MATCAP2: variants seen among roughly 807,000 people sequenced by gnomAD.
MATCAP2 encodes the protein putative tyrosine carboxypeptidase MATCAP2.
chr7:36,343,284 A>G, the MATCAP2 span, among the ~76,000 whole-genome samples: 49 of 140,134 alleles, frequency 3.5e-4, no homozygotes, highest in African/African-American at 1.3e-3. Context: ...TGAGGCCAGG[A>G]GTTTGAGTTC....
the MATCAP2 span, chr7:36,367,005 G>A: frequency 7.6e-7 from 1 of 1,310,860 alleles, no homozygotes; most frequent in Non-Finnish European, 9.6e-7. Context: ...GCAGGGGCGG[G>A]CGGCCTCTAG....
chr7:36,390,348 C>A, the MATCAP2 span: 1 of 438,982 alleles, frequency 2.3e-6, no homozygotes. Context: ...AGTCCTGGCG[C>A]AGCAAGAGTG....
chr7:36,382,324 A>AG, the MATCAP2 span, among the ~76,000 whole-genome samples: 8 of 140,286 alleles, frequency 5.7e-5, no homozygotes, highest in African/African-American at 2.1e-4. Flanking sequence ...AAAAAAAAAA[A>AG]GAAGATTTGC....
the MATCAP2 span, chr7:36,331,195 C>A: frequency 3.4e-6 from 2 of 580,786 alleles, no homozygotes; most frequent in South Asian, 5.4e-5. Flanking sequence ...TCTAGTTTGC[C>A]AACATTTATT....
the MATCAP2 span, chr7:36,389,768 G>A: frequency 2.0e-6 from 1 of 488,118 alleles, no homozygotes; most frequent in Non-Finnish European, 3.4e-6. Context: ...CCACGTGACC[G>A]AGCGCAGGGG....
chr7:36,336,421 G>A, the MATCAP2 span: 1 of 796,414 alleles, frequency 1.3e-6, no homozygotes, highest in Non-Finnish European at 1.9e-6. Context: ...AACTGCAACT[G>A]AAGTGCCAAA....
the MATCAP2 span, among the ~76,000 whole-genome samples, chr7:36,377,372 CT>C: frequency 6.6e-6 from 1 of 152,142 alleles, no homozygotes; most frequent in Non-Finnish European, 1.5e-5. Context: ...CTTAGTTTGG[CT>C]GGATATGAAA....
At chr7:36,390,201 T>C in the MATCAP2 span, 1 of 1,240,682 alleles carries the variant, frequency 8.1e-7, no homozygotes, top group Non-Finnish European at 1.1e-6. Flanking sequence ...GGCTGCGGCC[T>C]GCTGTGGTTG....
chr7:36,363,380 T>C, the MATCAP2 span, among the ~76,000 whole-genome samples: 1 of 152,248 alleles, frequency 6.6e-6, no homozygotes, highest in South Asian at 2.1e-4. Flanking sequence ...TAATCTTATA[T>C]GGTTTCTCAC....
chr7:36,366,343 A>T, the MATCAP2 span, among the ~76,000 whole-genome samples: 1,665 of 152,252 alleles, frequency 0.011, 19 homozygotes, highest in Non-Finnish European at 0.016. Flanking sequence ...AACTGAATTT[A>T]AAAAAATGCA....
chr7:36,382,058 C>T, the MATCAP2 span, among the ~76,000 whole-genome samples: 1 of 151,662 alleles, frequency 6.6e-6, no homozygotes, highest in Admixed American at 6.6e-5. Flanking sequence ...TTTGGAAGGC[C>T]GAGGTGGGCA....
At chr7:36,380,687 T>A in the MATCAP2 span, among the ~76,000 whole-genome samples, 1 of 152,224 alleles carries the variant, frequency 6.6e-6, no homozygotes, top group Non-Finnish European at 1.5e-5. Context: ...CCTCATCTAC[T>A]ATTTTAAGAA....
chr7:36,334,523 G>A, the MATCAP2 span, among the ~76,000 whole-genome samples: 14 of 105,140 alleles, frequency 1.3e-4, 1 homozygote, highest in Admixed American at 4.6e-4. Context: ...GCGACAGACC[G>A]AGATCCCATC....
the MATCAP2 span, among the ~76,000 whole-genome samples, chr7:36,335,784 G>A: frequency 8.6e-4 from 130 of 150,942 alleles, no homozygotes; most frequent in Admixed American, 3.0e-3. Context: ...AAAGAACTAC[G>A]ACTAGGCTGG....
chr7:36,332,521 C>G, the MATCAP2 span, among the ~76,000 whole-genome samples: 2 of 152,208 alleles, frequency 1.3e-5, no homozygotes, highest in African/African-American at 2.4e-5. Flanking sequence ...CTCTAAGGCA[C>G]TACGCTGTCA....
the MATCAP2 span, among the ~76,000 whole-genome samples, chr7:36,382,299 CAAAA>C: frequency 1.3e-4 from 8 of 62,934 alleles, no homozygotes; most frequent in East Asian, 3.5e-4. Flanking sequence ...GCGTCTGTCT[CAAAA>C]AAAAAAAAAA....
chr7:36,357,908 G>A, the MATCAP2 span, among the ~76,000 whole-genome samples: 1 of 152,082 alleles, frequency 6.6e-6, no homozygotes, highest in Admixed American at 6.5e-5. Context: ...ACAAAAGAAT[G>A]TAGATTTTGG....
the MATCAP2 span, among the ~76,000 whole-genome samples, chr7:36,349,425 A>G: frequency 6.6e-6 from 1 of 152,238 alleles, no homozygotes; most frequent in African/African-American, 2.4e-5. Context: ...CAGAACCTAG[A>G]AAATAAATAC....
At chr7:36,385,096 G>C in the MATCAP2 span, among the ~76,000 whole-genome samples, 1 of 152,090 alleles carries the variant, frequency 6.6e-6, no homozygotes, top group Non-Finnish European at 1.5e-5. Context: ...AAAAAGATCA[G>C]CAACAACAAA....
Sources: allele counts gnomAD v4.1 joint callset (sites outside exome capture counted in the v4.1 genomes callset), GRCh38; gene constraint gnomAD v4.1.1; transcripts MANE v1.5; gene names NCBI Gene and HGNC (gene_info 2026-07-23, HGNC 2026-07-21).